The following TMEM132C variants were observed in gnomAD, a reference collection of about 807,000 sequenced individuals.
TMEM132C encodes transmembrane protein 132C.
TMEM132C carries 29 observed loss-of-function variants against 61.4 expected under a neutral mutation model. The observed-to-expected ratio is 0.47, with a 90% CI of 0.35 to 0.64. The LOEUF (loss-of-function observed/expected upper bound fraction) is 0.64. TMEM132C is among the 30% of genes least tolerant of loss of function. TMEM132C has a pLI of 0.00. For missense variants in TMEM132C, 1,408 were observed against 1,476.9 expected (o/e 0.95, Z 0.76); for synonymous variants, 656 against 633.1 (o/e 1.04, Z -0.54).
In TMEM132C at chr12:128,706,328, C is replaced by T; in HGVS notation, c.*33C>T. On this transcript the variant is annotated 3_prime_UTR_variant, in exon 9 of 9. Coordinates refer to ENST00000435159, the MANE Select transcript of TMEM132C (RefSeq NM_001136103.3). ...TAGCCAAAGGGCCCTGCCCAGATGCCTTCCTTGTACTGGAAACTGGCCCAA... is the reference window on the plus strand; with the variant it reads ...TAGCCAAAGGGCCCTGCCCAGATGCTTTCCTTGTACTGGAAACTGGCCCAA... The T allele has an allele frequency of 6.8e-7, 1 of 1,467,472 alleles. No individual in the cohort carries two copies. The allele number at this position is 1,467,472 out of a possible 1,614,324, so 90.9% of individuals were successfully genotyped here. A position where few individuals can be genotyped will look rare whatever the true frequency, so the allele number is the denominator to read the frequency against.
chr12:128,559,231 T>A lies in TMEM132C; in HGVS notation c.1121+15128T>A, dbSNP rs573273331. ...CACTGCAACTTCAAACAATTTTTTT[T>A]ATCTAACAATATATCTTGTATTTTT... On this transcript the variant is annotated intron_variant, in intron 3 of 8. Coordinates refer to ENST00000435159, the MANE Select transcript of TMEM132C (RefSeq NM_001136103.3). Among the ~76,000 whole-genome samples, 111 of 151,868 alleles carry A rather than the reference T, an allele frequency of 7.3e-4. No homozygotes were observed. The South Asian group carries it at 7.9e-3, about 11-fold the overall frequency.
chr12:128,297,981 A>C (rs1354210197), intron 1 of TMEM132C, among the ~76,000 whole-genome samples: 4 of 152,166 alleles, frequency 2.6e-5, no homozygotes, highest in Non-Finnish European at 5.9e-5. Flanking sequence ...TCCCTCCTTC[A>C]TGTTAGTTTC....
chr12:128,667,018 C>T (rs555459567), intron 4 of TMEM132C, among the ~76,000 whole-genome samples: 4 of 152,106 alleles, frequency 2.6e-5, no homozygotes, highest in Non-Finnish European at 5.9e-5. Flanking sequence ...TGCAGTGAGC[C>T]GAGGTCGCGC....
chr12:128,618,675 G>A (rs532532067), intron 4 of TMEM132C, among the ~76,000 whole-genome samples: 6 of 152,272 alleles, frequency 3.9e-5, no homozygotes, highest in African/African-American at 1.4e-4. Context: ...TTTATAAGGG[G>A]TTTCGCCTTT....
chr12:128,452,035 G>A (rs952600301), intron 2 of TMEM132C, among the ~76,000 whole-genome samples: 1 of 151,940 alleles, frequency 6.6e-6, no homozygotes, highest in East Asian at 1.9e-4. Context: ...GAAGGAAGTC[G>A]AAATGCAGGC....
At chr12:128,458,296 T>C (rs1274452248) in intron 2 of TMEM132C, among the ~76,000 whole-genome samples, 1 of 1,946 alleles carries the variant, frequency 5.1e-4, no homozygotes, top group Non-Finnish European at 0.025. Flanking sequence ...ATTGTAATTA[T>C]ATAATTATAC....
chr12:128,704,374 A>G (rs377164963), intron 8 of TMEM132C, among the ~76,000 whole-genome samples: 1 of 151,730 alleles, frequency 6.6e-6, no homozygotes, highest in African/African-American at 2.4e-5. Context: ...TTCCTCTTTC[A>G]CTCTGCTACC....
rs538816999 is a variant in TMEM132C, at chr12:128,596,049, A to C, written c.1122-20103A>C. Among the ~76,000 whole-genome samples the C allele has an allele frequency of 3.9e-5, 6 of 152,166 alleles. No individual in the cohort carries two copies. The East Asian group carries it at 1.2e-3, about 29-fold the overall frequency. ...TTCCTGATCCCATGTTCTGTCCATC[A>C]CACTGGGCTGCCCCTTTTGCAGGTC... On this transcript the variant is annotated intron_variant, in intron 3 of 8. Transcript: ENST00000435159.
At chr12:128,280,343 C>G (rs1870850012) in intron 1 of TMEM132C, among the ~76,000 whole-genome samples, 1 of 152,180 alleles carries the variant, frequency 6.6e-6, no homozygotes, top group Non-Finnish European at 1.5e-5. Context: ...TTGTCCTACC[C>G]TCCCTTGTAT....
At chr12:128,618,682 C>T (rs1235856372) in intron 4 of TMEM132C, among the ~76,000 whole-genome samples, 1 of 152,160 alleles carries the variant, frequency 6.6e-6, no homozygotes, top group African/African-American at 2.4e-5. Flanking sequence ...GGGGTTTCGC[C>T]TTTCACTTGG....
chr12:128,470,329 A>T (rs1870907354), intron 2 of TMEM132C, among the ~76,000 whole-genome samples: 1 of 152,166 alleles, frequency 6.6e-6, no homozygotes, highest in Non-Finnish European at 1.5e-5. Flanking sequence ...GTGTCCTCTG[A>T]ATTTCCTGTT....
At chr12:128,407,905 G>T (rs550995691) in intron 1 of TMEM132C, among the ~76,000 whole-genome samples, 2 of 152,236 alleles carry the variant, frequency 1.3e-5, no homozygotes, top group South Asian at 4.2e-4. Flanking sequence ...CTCTTCTATT[G>T]TTATTATGCT....
chr12:128,381,949 C>T (rs1015428726), intron 1 of TMEM132C, among the ~76,000 whole-genome samples: 7 of 152,122 alleles, frequency 4.6e-5, no homozygotes, highest in Admixed American at 1.3e-4. Context: ...CTCGGATACA[C>T]TCTGCCCTCT....
chr12:128,321,928 A>G (rs1035818252), intron 1 of TMEM132C, among the ~76,000 whole-genome samples: 46 of 152,218 alleles, frequency 3.0e-4, no homozygotes, highest in African/African-American at 1.1e-3. Flanking sequence ...CAGAGACCCT[A>G]AGGCTTGTGT....
At chr12:128,604,406 AAGATAGATAGATAGAT>A (rs199758796) in intron 3 of TMEM132C, among the ~76,000 whole-genome samples, 147 of 144,538 alleles carry the variant, frequency 1.0e-3, no homozygotes, top group Admixed American at 2.5e-3. Flanking sequence ...TAATGGATGG[AAGATAGATAGATAGAT>A]AGATAGATAG....
intron 2 of TMEM132C, among the ~76,000 whole-genome samples, chr12:128,428,123 C>A (rs1357274737): frequency 2.0e-5 from 3 of 152,152 alleles, no homozygotes; most frequent in Non-Finnish European, 4.4e-5. Flanking sequence ...GCCATGCAAT[C>A]CTCTCAACAA....
At chr12:128,622,360 A>AAAAAAAAAT (rs1277080166) in intron 4 of TMEM132C, among the ~76,000 whole-genome samples, 16 of 30,124 alleles carry the variant, frequency 5.3e-4, no homozygotes, top group Non-Finnish European at 6.0e-4. Context: ...AAAAAAAAAA[A>AAAAAAAAAT]ATATATATAT....
At chr12:128,472,713 C>T (rs1391487718) in intron 2 of TMEM132C, among the ~76,000 whole-genome samples, 2 of 152,194 alleles carry the variant, frequency 1.3e-5, no homozygotes, top group East Asian at 3.8e-4. Flanking sequence ...GGCAAAGGAC[C>T]TCAAACATCT....
intron 2 of TMEM132C, among the ~76,000 whole-genome samples, chr12:128,516,536 T>C (rs1380258753): frequency 6.6e-6 from 1 of 151,982 alleles, no homozygotes; most frequent in African/African-American, 2.4e-5. Context: ...GGTGCCGTGA[T>C]AGGAGTTTAG....
Sources: allele counts gnomAD v4.1 joint callset (sites outside exome capture counted in the v4.1 genomes callset), GRCh38; gene constraint gnomAD v4.1.1; transcripts MANE v1.5; gene names NCBI Gene and HGNC (gene_info 2026-07-23, HGNC 2026-07-21).